Variants in ZNF536 observed in about 807,000 individuals in gnomAD.
ZNF536 encodes the protein zinc finger protein 536.
In ZNF536, 13 loss-of-function variants were observed where a neutral mutation model predicts 84.5. The observed-to-expected ratio is 0.15, with a 90% CI of 0.10 to 0.24. The LOEUF (loss-of-function observed/expected upper bound fraction) is 0.24. ZNF536 is among the 10% of genes least tolerant of loss of function. The pLI is 1.00. For missense variants in ZNF536, 1,536 were observed against 1,747.5 expected (o/e 0.88, Z 2.16); for synonymous variants, 811 against 742.5 (o/e 1.09, Z -1.50).
At chr19:30,692,986 C>G (rs1228515780) in intron 1 of ZNF536, among the ~76,000 whole-genome samples, 2 of 151,982 alleles carry the variant, frequency 1.3e-5, no homozygotes, top group Non-Finnish European at 2.9e-5. Flanking sequence ...GGTGATTAAG[C>G]TGATCATCTT....
At chr19:30,687,888 C>T (rs909769234) in intron 1 of ZNF536, among the ~76,000 whole-genome samples, 3 of 151,892 alleles carry the variant, frequency 2.0e-5, no homozygotes, top group African/African-American at 7.3e-5. Flanking sequence ...CTGACTATTA[C>T]GTATTTTCTG....
chr19:30,677,402 G>A (rs1192154138), intron 1 of ZNF536, among the ~76,000 whole-genome samples: 1 of 152,228 alleles, frequency 6.6e-6, no homozygotes, highest in African/African-American at 2.4e-5. Flanking sequence ...GGCTATTGAT[G>A]CATCTGCAGA....
intron 2 of ZNF536, among the ~76,000 whole-genome samples, chr19:30,286,090 C>T (rs1568304901): frequency 6.6e-6 from 1 of 152,180 alleles, no homozygotes; most frequent in Non-Finnish European, 1.5e-5. Flanking sequence ...CCCTCCTCCT[C>T]TGCCATGAGC....
chr19:30,613,601 T>C (rs1044421466), intron 1 of ZNF536, among the ~76,000 whole-genome samples: 12 of 152,192 alleles, frequency 7.9e-5, no homozygotes, highest in Admixed American at 2.0e-4. Flanking sequence ...TTGGTATGCC[T>C]CCATCATTTT....
At chr19:30,660,243 T>C (rs961681662) in intron 1 of ZNF536, among the ~76,000 whole-genome samples, 1 of 152,210 alleles carries the variant, frequency 6.6e-6, no homozygotes, top group African/African-American at 2.4e-5. Context: ...GCCATGGCAG[T>C]GTGCAGTTTC....
At chr19:30,301,183 C>T (rs997698346) in intron 2 of ZNF536, among the ~76,000 whole-genome samples, 1 of 152,180 alleles carries the variant, frequency 6.6e-6, no homozygotes, top group Non-Finnish European at 1.5e-5. Context: ...TGAGGCTCCC[C>T]TGATCCAGTG....
chr19:30,422,124 G>A (rs2050987372), intron 1 of ZNF536, among the ~76,000 whole-genome samples: 1 of 152,124 alleles, frequency 6.6e-6, no homozygotes, highest in Non-Finnish European at 1.5e-5. Context: ...GCCTGAAACT[G>A]GGAGCACAGA....
rs552634224 is a variant in ZNF536 at position 30,621,893 on chromosome 19, T to C, written c.169+72379T>C. 1.8e-4 allele frequency among the ~76,000 whole-genome samples: 28 copies of C among 152,370 alleles called. No individual in the cohort carries two copies. The East Asian group carries it at 5.2e-3, about 28-fold the overall frequency. ...CTCCTCTTCAGGCTTCTTTCCTTGA[T>C]TAATTTGTATTTTAAACGAAAACAG... On this transcript the variant is annotated intron_variant, in intron 1 of 1. Coordinates refer to the ZNF536 transcript ENST00000592773.
In ZNF536 at chr19:30,557,770, TAAA is replaced by T. The variant is rs757261162; in HGVS notation, c.*609_*611del. ...GAATAGCACCTTGACATCTACAACT[TAAA>T]AATGGTGATTGAAGCAAAATATGTA... is the stretch of plus-strand genomic sequence containing the variant. On this transcript the variant is annotated 3_prime_UTR_variant, in exon 5 of 5. Transcript: ENST00000355537. 2 of 152,564 alleles carry T rather than the reference TAAA, an allele frequency of 1.3e-5. No individual in the cohort carries two copies. Among genetic ancestry groups the T allele is most frequent in the Non-Finnish European group, 2.9e-5 (2 of 68,038 alleles). The allele number at this position is 152,564 out of a possible 1,614,324, so 9.5% of individuals were successfully genotyped here.
At chr19:30,490,812 A>T (rs1261748915) in intron 2 of ZNF536, among the ~76,000 whole-genome samples, 1 of 152,212 alleles carries the variant, frequency 6.6e-6, no homozygotes, top group African/African-American at 2.4e-5. Flanking sequence ...TTTAAAACTT[A>T]AAGTGAAAAC....
intron 1 of ZNF536, among the ~76,000 whole-genome samples, chr19:30,680,018 G>C (rs548169192): frequency 6.6e-6 from 1 of 152,016 alleles, no homozygotes; most frequent in African/African-American, 2.4e-5. Flanking sequence ...CCAGGGGAGG[G>C]AGGGAGGGGT....
intron 1 of ZNF536, among the ~76,000 whole-genome samples, chr19:30,443,121 G>A (rs939520808): frequency 2.7e-5 from 4 of 149,456 alleles, no homozygotes; most frequent in African/African-American, 9.9e-5. Flanking sequence ...TATAGTAAAC[G>A]GAAACAGAAG....
intron 2 of ZNF536, among the ~76,000 whole-genome samples, chr19:30,498,798 G>A (rs946422492): frequency 6.6e-6 from 1 of 152,062 alleles, no homozygotes; most frequent in African/African-American, 2.4e-5. Context: ...GGGGACAGGA[G>A]CTCAGGGCTT....
In ZNF536 at chr19:30,430,549, G is replaced by T. The variant is rs193011178; in HGVS notation, c.-2-13012G>T. Among the ~76,000 whole-genome samples, 14 of 152,328 alleles carry T rather than the reference G, an allele frequency of 9.2e-5. No individual in the cohort carries two copies. The East Asian group carries it at 2.3e-3, about 25-fold the overall frequency. On this transcript the variant is annotated intron_variant, in intron 1 of 4. Coordinates refer to ENST00000355537, the MANE Select transcript of ZNF536 (RefSeq NM_014717.3). ...TCTGGACCGGGACCTGACATATCAG[G>T]GAGGGCTTCCTGGAAGAAGTGGTAT... is the stretch of plus-strand genomic sequence containing the variant.
intron 1 of ZNF536, among the ~76,000 whole-genome samples, chr19:30,693,067 C>T (rs1048428508): frequency 6.6e-6 from 1 of 151,378 alleles, no homozygotes; most frequent in Admixed American, 6.6e-5. Context: ...TATACGTGTG[C>T]AGCGTGGAGG....
At position 30,595,824 on chromosome 19, in the gene ZNF536, A is replaced by T. The variant is rs1275800024; in HGVS notation, c.169+46310A>T. 3.3e-5 allele frequency among the ~76,000 whole-genome samples: 5 copies of T among 152,202 alleles called. No homozygotes were observed. The South Asian group carries it at 1.0e-3, about 31-fold the overall frequency. On this transcript the variant is annotated intron_variant, in intron 1 of 1. Transcript: ENST00000592773. ...TGCCTCAAGAGTTGAAGTCTCTGAA[A>T]CAAGCCTTTCTAGTGTCAGGACATA...
At chr19:30,662,537 T>TG (rs58201416) in intron 1 of ZNF536, among the ~76,000 whole-genome samples, 3,022 of 151,724 alleles carry the variant, frequency 0.02, 99 homozygotes, top group African/African-American at 0.069. Context: ...CTCCCGCAGA[T>TG]GGGGGGGGAT....
chr19:30,582,280 G>C (rs1157523417), intron 1 of ZNF536, among the ~76,000 whole-genome samples: 3 of 151,562 alleles, frequency 2.0e-5, no homozygotes, highest in Non-Finnish European at 4.4e-5. Flanking sequence ...CTGTGGGTGT[G>C]ATTCTACTGC....
chr19:30,452,912 G>A (rs1193483582), intron 2 of ZNF536, among the ~76,000 whole-genome samples: 1 of 151,596 alleles, frequency 6.6e-6, no homozygotes, highest in Non-Finnish European at 1.5e-5. Context: ...TGTGGAGGAA[G>A]GAGGCGGGGG....
Sources: allele counts gnomAD v4.1 joint callset (sites outside exome capture counted in the v4.1 genomes callset), GRCh38; gene constraint gnomAD v4.1.1; transcripts MANE v1.5; gene names NCBI Gene and HGNC (gene_info 2026-07-23, HGNC 2026-07-21).